The following TOP1 variants were observed in gnomAD, a reference collection of about 807,000 sequenced individuals.
TOP1 encodes DNA topoisomerase I, also known as DNA topoisomerase 1.
In TOP1, 10 loss-of-function variants were observed where a neutral mutation model predicts 111.1. The ratio of observed to expected loss-of-function variants is 0.09; its 90% confidence interval spans 0.06 to 0.15. The LOEUF is 0.15. TOP1 is among the 10% of genes least tolerant of loss of function. The pLI, the probability that TOP1 is intolerant of heterozygous loss-of-function variation, is 1.00. For missense variants in TOP1, 474 were observed against 926.7 expected (o/e 0.51, Z 6.34); for synonymous variants, 271 against 302.9 (o/e 0.89, Z 1.10).
chr20:41,072,245 T>C, intron 3 of TOP1: 2 of 985,324 alleles, frequency 2.0e-6, no homozygotes, highest in Middle Eastern at 5.2e-4. Flanking sequence ...TGACATATTG[T>C]GTCTATTGTG....
rs1433034987 is a variant in TOP1 at position 41,121,263 on chromosome 20, C to T, written c.1951-433C>T. 1.3e-5 allele frequency among the ~76,000 whole-genome samples: 2 copies of T among 152,166 alleles called. No individual in the cohort carries two copies. Among genetic ancestry groups the T allele is most frequent in the Non-Finnish European group, 2.9e-5 (2 of 68,026 alleles). ...ACGAGCTGGGGTTGCCCAGTAGATG[C>T]AAGTATCCTGCTTCAGTTTCCTAAA... On this transcript the variant is annotated intron_variant, in intron 18 of 20. Transcript: ENST00000361337. This position sits in a 1 kb window ranked among gnomAD's most constrained non-coding sequence, Gnocchi z 4.2.
chr20:41,084,706 GAAGT>G, intron 8 of TOP1, 138 bp downstream of exon 8: 1 of 580,206 alleles, frequency 1.7e-6, no homozygotes, highest in South Asian at 2.5e-5. Context: ...GTAACTTTCT[GAAGT>G]AAGTTTTCCA....
At chr20:41,091,545 T>C (rs1220773523) in intron 8 of TOP1, among the ~76,000 whole-genome samples, 2 of 147,988 alleles carry the variant, frequency 1.4e-5, no homozygotes. Flanking sequence ...TGTAGCAAAT[T>C]ATTAACCTTT....
chr20:41,103,079 AC>A (rs1365086337), intron 13 of TOP1, among the ~76,000 whole-genome samples: 1 of 152,242 alleles, frequency 6.6e-6, no homozygotes, highest in Admixed American at 6.5e-5. Context: ...TGACAGTTGC[AC>A]AACATTGTGG....
rs1387227346 is a variant in TOP1 at position 41,100,944 on chromosome 20, A to G, written c.1164-265A>G. ...ATATGGTTCACGCATCCCAGGTGGG[A>G]CTACAAGAGATTTCATCATGCTCCT... On this transcript the variant is annotated intron_variant, in intron 12 of 20. Transcript: ENST00000361337. This position sits in a 1 kb window ranked among gnomAD's most constrained non-coding sequence, Gnocchi z 4.4. Among the ~76,000 whole-genome samples the G allele has an allele frequency of 6.6e-6, 1 of 152,230 alleles. No individual in the cohort carries two copies. The highest frequency in any genetic ancestry group is 2.4e-5 in the African/African-American group (1 of 41,470).
chr20:41,098,412 T>A lies in TOP1; in HGVS notation c.975+75T>A. 6.8e-7 allele frequency: 1 copy of A among 1,481,054 alleles called. No homozygotes were observed. Among genetic ancestry groups the A allele is most frequent in the Non-Finnish European group, 9.3e-7 (1 of 1,076,422 alleles). 91.7% of individuals were successfully genotyped at this position (1,481,054 alleles called of 1,614,324 possible). A position where few individuals can be genotyped will look rare whatever the true frequency, so the allele number is the denominator to read the frequency against. On this transcript the variant is annotated intron_variant, in intron 11 of 20. Coordinates refer to ENST00000361337, the MANE Select transcript of TOP1 (RefSeq NM_003286.4). The surrounding 1 kb of genome is among the most constrained non-coding windows in gnomAD (Gnocchi z 5.7). ...TTCATTTAACTTTCTTCTTGGTTCTTATGACACAACATTAACATCAGTAAT... is the reference window on the plus strand; with the variant it reads ...TTCATTTAACTTTCTTCTTGGTTCTAATGACACAACATTAACATCAGTAAT...
chr20:41,039,796 A>G (rs770184697), intron 2 of TOP1, among the ~76,000 whole-genome samples: 2 of 152,102 alleles, frequency 1.3e-5, no homozygotes, highest in Non-Finnish European at 2.9e-5. Context: ...TAGTCCAGCT[A>G]CTTGGGAGGC....
chr20:41,053,717 A>G (rs2033433741), intron 2 of TOP1, among the ~76,000 whole-genome samples: 1 of 152,202 alleles, frequency 6.6e-6, no homozygotes, highest in African/African-American at 2.4e-5. Flanking sequence ...TGAGTTTCAA[A>G]TGTTTCCTAA....
In TOP1 at chr20:41,084,494, T is replaced by A. The variant is rs1378853276; in HGVS notation, c.540T>A (p.Asp180Glu). The change falls in exon 8 of 21, where the codon GAT becomes GAA. Residue 180 changes from aspartate to glutamate, a missense_variant. Asp to Glu is a conservative substitution (Grantham distance 45). This residue lies in a region of TOP1 where 185 missense variants were observed against 226.3 expected (regional missense o/e 0.82). Transcript: ENST00000361337. ...AATTGAAAAAACCCAAGAATAAAGA[T>A]AAAGATAAAAAAGTTCCTGAGCCAG... ...DGKLKKPKNK[D>E]KDKKVPEPDN... 1.9e-6 allele frequency: 3 copies of A among 1,572,836 alleles called. No individual in the cohort carries two copies. The highest frequency in any genetic ancestry group is 2.6e-6 in the Non-Finnish European group (3 of 1,158,754).
rs750690932 is a variant in TOP1, at chr20:41,098,309, G to A, written c.947G>A (p.Arg316Gln). ...SQYFKAQTEARKQMSKEEKLK... is the reference protein window; with the variant it reads ...SQYFKAQTEAQKQMSKEEKLK... The stretch of plus-strand genomic sequence containing the variant: ...TATTTCAAAGCCCAGACGGAAGCTC[G>A]GAAACAGATGAGCAAGGAAGAGAAA... The change falls in exon 11 of 21, where the codon CGG (arginine) becomes CAG (glutamine). Residue 316 changes from arginine (R) to glutamine (Q), a missense_variant. Arg to Gln is a conservative substitution (Grantham distance 43, BLOSUM62 1). Transcript: ENST00000361337. The surrounding 1 kb of genome is among the most constrained non-coding windows in gnomAD (Gnocchi z 5.7). 1.2e-6 allele frequency: 2 copies of A among 1,613,906 alleles called. No individual in the cohort carries two copies. The highest frequency in any genetic ancestry group is 1.6e-4 in the Middle Eastern group (1 of 6,062).
intron 14 of TOP1, 85 bp downstream of exon 14, chr20:41,113,010 C>T: frequency 9.6e-6 from 13 of 1,358,590 alleles, no homozygotes; most frequent in Non-Finnish European, 1.3e-5. Flanking sequence ...GTGCCACATA[C>T]TGTATATCAC....
Position 41,106,769 on chromosome 20 carries a change from G to A in TOP1, c.1308+5416G>A, listed in dbSNP as rs1384286463. On this transcript the variant is annotated intron_variant, in intron 13 of 20. Transcript: ENST00000361337. This position sits in a 1 kb window ranked among gnomAD's most constrained non-coding sequence, Gnocchi z 4.3. ...GCAGCAGATACAAGAGGTGCTCAGA[G>A]TTGTTCAGGGTTGCTGAACTCTTAG... Among the ~76,000 whole-genome samples, 1 of 152,094 alleles carries A rather than the reference G, an allele frequency of 6.6e-6. No individual in the cohort carries two copies. Among genetic ancestry groups the A allele is most frequent in the Non-Finnish European group, 1.5e-5 (1 of 68,010 alleles).
At chr20:41,087,662 AT>A (rs1168036288) in intron 8 of TOP1, among the ~76,000 whole-genome samples, 1 of 152,246 alleles carries the variant, frequency 6.6e-6, no homozygotes. Flanking sequence ...AATTTCAAGG[AT>A]TAGCATTCAG....
In TOP1 at chr20:41,102,125, G is replaced by C. The variant is rs2145953911; in HGVS notation, c.1308+772G>C. On this transcript the variant is annotated intron_variant, in intron 13 of 20. Transcript: ENST00000361337. The surrounding 1 kb of genome is among the most constrained non-coding windows in gnomAD (Gnocchi z 4.0). ...AACTGTTTTATGTGCAGGAGACCTGGGACTAAAGACCTTCTTGATCCTCGT... is the reference window on the plus strand; with the variant it reads ...AACTGTTTTATGTGCAGGAGACCTGCGACTAAAGACCTTCTTGATCCTCGT... Among the ~76,000 whole-genome samples, 1 of 152,240 alleles carries C rather than the reference G, an allele frequency of 6.6e-6. No individual in the cohort carries two copies. Among genetic ancestry groups the C allele is most frequent in the South Asian group, 2.1e-4 (1 of 4,812 alleles).
chr20:41,081,272 T>TGAGTTTGGAAGTGGGA (rs772106518), intron 7 of TOP1, 32 bp downstream of exon 7: 9 of 1,571,300 alleles, frequency 5.7e-6, no homozygotes, highest in Non-Finnish European at 7.7e-6. Context: ...CTTTGGGGCT[T>TGAGTTTGGAAGTGGGA]GAGTTTGGAA....
intron 8 of TOP1, 54 bp downstream of exon 8, chr20:41,084,622 G>A (rs983633269): frequency 3.1e-5 from 32 of 1,017,984 alleles, no homozygotes; most frequent in Non-Finnish European, 4.3e-5. Context: ...ATATCCTTAC[G>A]AAGCAAGAGT....
Position 41,029,529 on chromosome 20 carries a change from G to A in TOP1, c.58+74G>A, listed in dbSNP as rs1336051281. ...CCTCCCCCGCGCCCTGCCGGTGCCGGGCAGAGGACAGACATGGCGTCCCAG... is the reference window on the plus strand; with the variant it reads ...CCTCCCCCGCGCCCTGCCGGTGCCGAGCAGAGGACAGACATGGCGTCCCAG... On this transcript the variant is annotated intron_variant, in intron 2 of 20. Coordinates refer to ENST00000361337, the MANE Select transcript of TOP1 (RefSeq NM_003286.4). The surrounding 1 kb of genome is among the most constrained non-coding windows in gnomAD (Gnocchi z 6.1). 2.4e-6 allele frequency: 3 copies of A among 1,241,112 alleles called. No homozygotes were observed. The highest frequency in any genetic ancestry group is 3.5e-6 in the Non-Finnish European group (3 of 868,904). The allele number at this position is 1,241,112 out of a possible 1,614,324, so 76.9% of individuals were successfully genotyped here.
At chr20:41,117,055 A>T (rs1318016282) in intron 17 of TOP1, among the ~76,000 whole-genome samples, 1 of 152,318 alleles carries the variant, frequency 6.6e-6, no homozygotes. Context: ...TTTTCTTTTT[A>T]AATAAGATAC....
At chr20:41,113,511 C>T (rs2034275673) in intron 14 of TOP1, among the ~76,000 whole-genome samples, 1 of 152,030 alleles carries the variant, frequency 6.6e-6, no homozygotes, top group Non-Finnish European at 1.5e-5. Flanking sequence ...CCAGAGTTCC[C>T]AGGCCATGCT....
Sources: gnomAD v4.1 joint callset for allele counts (sites outside exome capture counted in the v4.1 genomes callset) on GRCh38, gnomAD v4.1.1 for gene constraint, gnomAD v4.1.1 regional missense constraint, Gnocchi (gnomAD v3.1) non-coding constraint, MANE v1.5 for transcripts, NCBI Gene and HGNC (gene_info 2026-07-23, HGNC 2026-07-21) for gene names.